The following MAN2A1 variants were observed in gnomAD, a reference collection of about 807,000 sequenced individuals.
MAN2A1 encodes the protein mannosidase alpha class 2A member 1, also known as alpha-mannosidase 2.
MAN2A1 carries 76 observed loss-of-function variants against 142.6 expected under a neutral mutation model. That is an observed-to-expected ratio of 0.53 (90% CI 0.44 to 0.65). MAN2A1 has a LOEUF of 0.65. Among genes scored for constraint, MAN2A1 ranks in the 30% least tolerant of loss-of-function variants. The pLI is 0.00. For missense variants in MAN2A1, 1,311 were observed against 1,365.1 expected (o/e 0.96, Z 0.62); for synonymous variants, 559 against 473.2 (o/e 1.18, Z -2.35).
At chr5:109,735,689 A>T (rs188124376) in intron 4 of MAN2A1, among the ~76,000 whole-genome samples, 1 of 152,142 alleles carries the variant, frequency 6.6e-6, no homozygotes, top group African/African-American at 2.4e-5. Context: ...CTCCCTGCAC[A>T]TTATTCTTAA....
chr5:109,721,710 T>A (rs191708890), intron 3 of MAN2A1, among the ~76,000 whole-genome samples: 1 of 152,282 alleles, frequency 6.6e-6, no homozygotes, highest in African/African-American at 2.4e-5. Context: ...TGGTCTCTCA[T>A]TGGACTTTAT....
At chr5:109,737,092 CTTTTTTTTTT>C (rs10686903) in intron 4 of MAN2A1, among the ~76,000 whole-genome samples, 2 of 112,160 alleles carry the variant, frequency 1.8e-5, no homozygotes, top group Non-Finnish European at 3.5e-5. Flanking sequence ...ACTGTATACT[CTTTTTTTTTT>C]TTTTTTTTTG....
At chr5:109,757,947 A>G (rs1168772244) in intron 5 of MAN2A1, among the ~76,000 whole-genome samples, 2 of 152,102 alleles carry the variant, frequency 1.3e-5, no homozygotes, top group Non-Finnish European at 2.9e-5. Context: ...TATTCAGTTG[A>G]TGGGCACTTA....
At chr5:109,693,862 C>G (rs913251417) in intron 1 of MAN2A1, among the ~76,000 whole-genome samples, 5 of 152,030 alleles carry the variant, frequency 3.3e-5, no homozygotes, top group Non-Finnish European at 7.4e-5. Flanking sequence ...TAATAAATCT[C>G]AGCTAAGAAA....
At chr5:109,756,454 A>C (rs1381580630) in intron 5 of MAN2A1, among the ~76,000 whole-genome samples, 1 of 152,140 alleles carries the variant, frequency 6.6e-6, no homozygotes, top group Non-Finnish European at 1.5e-5. Context: ...TTATTTTAAA[A>C]AATTGTCCCT....
intron 1 of MAN2A1, among the ~76,000 whole-genome samples, chr5:109,698,064 A>G (rs565091969): frequency 6.6e-6 from 1 of 152,364 alleles, no homozygotes; most frequent in East Asian, 1.9e-4. Context: ...AAATTGATCC[A>G]TAGCTTCAAG....
intron 1 of MAN2A1, among the ~76,000 whole-genome samples, 171 bp downstream of exon 1, chr5:109,690,723 G>C (rs977867829): frequency 1.3e-5 from 2 of 152,130 alleles, no homozygotes; most frequent in Non-Finnish European, 2.9e-5. Flanking sequence ...GAGCCACCTC[G>C]CCCGGGCGCG....
At chr5:109,796,705 C>G (rs1369228250) in intron 12 of MAN2A1, among the ~76,000 whole-genome samples, 1 of 152,192 alleles carries the variant, frequency 6.6e-6, no homozygotes, top group African/African-American at 2.4e-5. Context: ...TCCCTTTGTT[C>G]AGAATCAGAG....
chr5:109,805,050 G>C (rs1754129804), intron 12 of MAN2A1, among the ~76,000 whole-genome samples: 1 of 152,072 alleles, frequency 6.6e-6, no homozygotes, highest in Non-Finnish European at 1.5e-5. Context: ...GTCTTTTGCT[G>C]TCTTTTCAGA....
At chr5:109,834,485 A>T (rs559076965) in intron 16 of MAN2A1, among the ~76,000 whole-genome samples, 1 of 152,188 alleles carries the variant, frequency 6.6e-6, no homozygotes, top group East Asian at 1.9e-4. Context: ...TTCATTTATT[A>T]TGTCTTCTTC....
intron 14 of MAN2A1, 42 bp from the exon 15 acceptor site, chr5:109,820,178 C>G (rs766363092): frequency 2.0e-6 from 3 of 1,531,344 alleles, no homozygotes; most frequent in Non-Finnish European, 2.7e-6. Flanking sequence ...TGCTTAACAT[C>G]TTAGTGGTGA....
At chr5:109,739,675 C>G (rs1752210053) in intron 4 of MAN2A1, among the ~76,000 whole-genome samples, 1 of 152,178 alleles carries the variant, frequency 6.6e-6, no homozygotes. Context: ...TGTCCCAAAA[C>G]ATGGTGTAAC....
Position 109,788,709 on chromosome 5 carries a change from G to T in MAN2A1, c.1761-225G>T, listed in dbSNP as rs116294355. ...GTTTGATTATGTTTATGTGTTTCAG[G>T]TGTGTCCAGAAAGCTTTCGGTTTTA... On this transcript the variant is annotated intron_variant, in intron 10 of 21. Coordinates refer to ENST00000261483, the MANE Select transcript of MAN2A1 (RefSeq NM_002372.4). Among the ~76,000 whole-genome samples, 1,144 of 151,798 alleles carry T rather than the reference G, an allele frequency of 7.5e-3. 18 individuals are homozygous for T. The highest frequency in any genetic ancestry group is 0.026 in the African/African-American group (1,075 of 41,482).
intron 20 of MAN2A1, chr5:109,864,164 G>A (rs983968935): frequency 1.3e-5 from 2 of 152,194 alleles, no homozygotes; most frequent in Non-Finnish European, 2.9e-5. Context: ...CACAATGTCA[G>A]TGCTGAGCAG....
chr5:109,750,838 A>AT (rs1038037572), intron 4 of MAN2A1, among the ~76,000 whole-genome samples: 1 of 151,938 alleles, frequency 6.6e-6, no homozygotes, highest in African/African-American at 2.4e-5. Flanking sequence ...GTTTTATTGT[A>AT]TTTTTATATT....
intron 5 of MAN2A1, among the ~76,000 whole-genome samples, chr5:109,765,201 C>T (rs780594566): frequency 2.0e-5 from 3 of 152,104 alleles, no homozygotes; most frequent in Non-Finnish European, 4.4e-5. Context: ...CATGGTCGTA[C>T]ATTGCATTTA....
At chr5:109,720,787 G>C (rs1751579952) in intron 3 of MAN2A1, among the ~76,000 whole-genome samples, 1 of 152,222 alleles carries the variant, frequency 6.6e-6, no homozygotes, top group Non-Finnish European at 1.5e-5. Flanking sequence ...CTGCAGGTTG[G>C]ACAAACTTGA....
intron 3 of MAN2A1, among the ~76,000 whole-genome samples, chr5:109,716,717 C>G (rs879628526): frequency 6.6e-6 from 1 of 152,124 alleles, no homozygotes; most frequent in African/African-American, 2.4e-5. Flanking sequence ...CAGGCACATA[C>G]GAATGTGAGT....
Position 109,698,808 on chromosome 5 carries a change from GA to G in MAN2A1, c.135+8259del, listed in dbSNP as rs541306819. Among the ~76,000 whole-genome samples the G allele has an allele frequency of 6.9e-4, 105 of 152,142 alleles. 1 individual carries two copies. Among genetic ancestry groups the G allele is most frequent in the African/African-American group, 2.5e-3 (103 of 41,494 alleles). On this transcript the variant is annotated intron_variant, in intron 1 of 21. Transcript: ENST00000261483. ...CATGTAAAAGGTATAAATGCACATAGAAATAATTCAAATGACATAGAAAGGT... is the reference window on the plus strand; with the variant it reads ...CATGTAAAAGGTATAAATGCACATAGAATAATTCAAATGACATAGAAAGGT...
Sources: gnomAD v4.1 joint callset for allele counts (sites outside exome capture counted in the v4.1 genomes callset) on GRCh38, gnomAD v4.1.1 for gene constraint, MANE v1.5 for transcripts, NCBI Gene and HGNC (gene_info 2026-07-23, HGNC 2026-07-21) for gene names.